Variants in DTL observed in about 807,000 individuals in gnomAD.
DTL encodes the protein denticleless protein homolog.
A neutral mutation model predicts 87.0 loss-of-function variants in DTL; 46 were observed. The observed-to-expected ratio is 0.53, with a 90% CI of 0.42 to 0.68. DTL has a LOEUF of 0.68. Ranked by LOEUF, DTL falls within the 30% of genes least tolerant of loss-of-function variation. The pLI is 0.00. For synonymous variants in DTL, 308 were observed against 311.2 expected (o/e 0.99, Z 0.11); for missense variants, 737 against 869.4 (o/e 0.85, Z 1.91).
At chr1:212,058,810 AAAAG>A (rs1458625833) in intron 5 of DTL, among the ~76,000 whole-genome samples, 1 of 152,062 alleles carries the variant, frequency 6.6e-6, no homozygotes, top group East Asian at 1.9e-4. Context: ...ACCACGAAAA[AAAAG>A]AAAGATGGTC....
At chr1:212,071,635 T>G (rs1204677642) in intron 10 of DTL, among the ~76,000 whole-genome samples, 2 of 152,192 alleles carry the variant, frequency 1.3e-5, no homozygotes, top group Non-Finnish European at 2.9e-5. Context: ...GGATCTACTC[T>G]GTTCAAAGCA....
chr1:212,095,924 G>C (rs1205516317), intron 13 of DTL, among the ~76,000 whole-genome samples: 2 of 152,046 alleles, frequency 1.3e-5, no homozygotes, highest in Non-Finnish European at 2.9e-5. Context: ...TTCTCTTTTG[G>C]AATGGTTTCA....
intron 13 of DTL, among the ~76,000 whole-genome samples, chr1:212,094,915 AC>A (rs1021364853): frequency 9.2e-5 from 14 of 152,182 alleles, no homozygotes; most frequent in African/African-American, 2.7e-4. Flanking sequence ...GTATAGCAGT[AC>A]TACTGATTTA....
At chr1:212,044,317 T>A (rs939970229) in intron 2 of DTL, among the ~76,000 whole-genome samples, 1 of 152,044 alleles carries the variant, frequency 6.6e-6, no homozygotes, top group African/African-American at 2.4e-5. Flanking sequence ...GCTTAAAAAT[T>A]TTTGTAGCTA....
intron 7 of DTL, among the ~76,000 whole-genome samples, chr1:212,065,258 G>A (rs938867650): frequency 3.3e-5 from 5 of 151,968 alleles, no homozygotes; most frequent in African/African-American, 7.3e-5. Flanking sequence ...ATGTAGCCTC[G>A]TTGATAAATA....
intron 5 of DTL, among the ~76,000 whole-genome samples, chr1:212,047,947 T>A (rs761123945): frequency 2.6e-4 from 39 of 152,240 alleles, no homozygotes; most frequent in Non-Finnish European, 5.3e-4. Flanking sequence ...GAGTCTTTGA[T>A]AAGTTTTTCT....
intron 5 of DTL, among the ~76,000 whole-genome samples, chr1:212,050,222 T>C (rs1285702537): frequency 1.3e-5 from 2 of 152,150 alleles, no homozygotes; most frequent in African/African-American, 4.8e-5. Context: ...CAGAGGACCA[T>C]ATAAATACTT....
intron 5 of DTL, among the ~76,000 whole-genome samples, chr1:212,057,486 C>T (rs914703160): frequency 1.3e-5 from 2 of 151,828 alleles, no homozygotes; most frequent in African/African-American, 2.4e-5. Flanking sequence ...GTAGATGGGC[C>T]GTACAGAAAA....
intron 11 of DTL, among the ~76,000 whole-genome samples, chr1:212,072,760 CT>C (rs368207666): frequency 0.058 from 7,250 of 124,620 alleles, 224 homozygotes; most frequent in African/African-American, 0.11. Context: ...ATTTACTAAT[CT>C]TTTTTTTTTT....
intron 7 of DTL, 51 bp from the exon 8 acceptor site, chr1:212,066,761 T>C (rs1400961844): frequency 6.4e-7 from 1 of 1,568,940 alleles, no homozygotes; most frequent in African/African-American, 1.4e-5. Context: ...CCCTTGATGG[T>C]AAAGATTATG....
intron 8 of DTL, among the ~76,000 whole-genome samples, chr1:212,067,460 A>ATG (rs1654539347): frequency 6.6e-6 from 1 of 152,186 alleles, no homozygotes; most frequent in African/African-American, 2.4e-5. Context: ...TTCTATGCAA[A>ATG]TGGAGACTCT....
In DTL at chr1:212,035,851, TACG is replaced by T. The variant is rs769664179; in HGVS notation, c.-37_-35del. The T allele has an allele frequency of 7.8e-5, 125 of 1,608,648 alleles. No individual in the cohort carries two copies. In the East Asian group the frequency reaches 2.4e-3, roughly 31 times the overall value. ...TTTCTGCTGAACTTGGAGGCATTTC[TACG>T]ACTTTTCTCTCAGCTGAGGCTTTTC... On this transcript the variant is annotated 5_prime_UTR_variant, in exon 1 of 15. Transcript: ENST00000366991.
At chr1:212,036,369 T>C (rs1667461101) in intron 1 of DTL, among the ~76,000 whole-genome samples, 1 of 152,182 alleles carries the variant, frequency 6.6e-6, no homozygotes, top group South Asian at 2.1e-4. Flanking sequence ...TACCAGTGAA[T>C]ATGACCCGCT....
chr1:212,063,642 A>G (rs768526631), intron 6 of DTL, among the ~76,000 whole-genome samples: 20 of 152,170 alleles, frequency 1.3e-4, no homozygotes, highest in Non-Finnish European at 2.6e-4. Context: ...TTGTCTCATG[A>G]TGCTATTAAG....
Position 212,068,275 on chromosome 1 carries a change from A to T in DTL, c.765A>T (p.Glu255Asp). 6.2e-7 allele frequency: 1 copy of T among 1,612,550 alleles called. No homozygotes were observed. Among genetic ancestry groups the T allele is most frequent in the South Asian group, 1.1e-5 (1 of 90,694 alleles). ...AGAATTATACTGCTTATCGACAAGA[A>T]CCCATAGCATCCAAGTCTTTCCTGT... ...LRKNYTAYRQ[E>D]PIASKSFLYP... The change falls in exon 9 of 15, where the codon GAA (glutamate) becomes GAT (aspartate). Residue 255 changes from glutamate (E) to aspartate (D), a missense_variant. Coordinates refer to ENST00000366991, the MANE Select transcript of DTL (RefSeq NM_016448.4).
intron 8 of DTL, 27 bp from the exon 9 acceptor site, chr1:212,068,197 A>G: frequency 6.5e-7 from 1 of 1,528,176 alleles, no homozygotes; most frequent in Non-Finnish European, 8.9e-7. Flanking sequence ...GAAGGTCTAC[A>G]AAATATTTAT....
intron 5 of DTL, among the ~76,000 whole-genome samples, chr1:212,056,230 G>A (rs1041940306): frequency 4.6e-5 from 7 of 152,150 alleles, no homozygotes; most frequent in South Asian, 2.1e-4. Context: ...CAGTGCCAGC[G>A]TATGCTGCCT....
chr1:212,047,276 T>G, intron 4 of DTL, 21 bp from the exon 5 acceptor site: 2 of 1,614,222 alleles, frequency 1.2e-6, no homozygotes, highest in Non-Finnish European at 1.7e-6. Context: ...TATTAAATTG[T>G]GTTTACCTTA....
At position 212,050,167 on chromosome 1, in the gene DTL, T is replaced by C. The variant is rs370398468; in HGVS notation, c.460+2750T>C. 1.2e-4 allele frequency among the ~76,000 whole-genome samples: 19 copies of C among 152,202 alleles called. No individual in the cohort carries two copies. In the South Asian group the frequency reaches 3.5e-3, roughly 28 times the overall value. On this transcript the variant is annotated intron_variant, in intron 5 of 14. Transcript: ENST00000366991. ...GCCTGGGCAATAGAGTGAGACCCAGTCTCAAAATAAATTAATTAAATCAAT... is the reference window on the plus strand; with the variant it reads ...GCCTGGGCAATAGAGTGAGACCCAGCCTCAAAATAAATTAATTAAATCAAT...
Sources: gnomAD v4.1 joint callset for allele counts (sites outside exome capture counted in the v4.1 genomes callset) on GRCh38, gnomAD v4.1.1 for gene constraint, MANE v1.5 for transcripts, NCBI Gene and HGNC (gene_info 2026-07-23, HGNC 2026-07-21) for gene names.